The following DACH2 variants were observed in gnomAD, a reference collection of about 807,000 sequenced individuals.
The protein encoded by DACH2 is dachshund family transcription factor 2, also known as dachshund homolog 2.
A neutral mutation model predicts 35.8 loss-of-function variants in DACH2; 17 were observed. The observed-to-expected ratio is 0.48, with a 90% CI of 0.33 to 0.71. The LOEUF is 0.71. Among genes scored for constraint, DACH2 ranks in the 30% least tolerant of loss-of-function variants. DACH2 has a pLI of 0.02. For missense variants in DACH2, 469 were observed against 472.7 expected (o/e 0.99, Z 0.07); for synonymous variants, 195 against 177.3 (o/e 1.10, Z -0.79).
intron 1 of DACH2, among the ~76,000 whole-genome samples, chrX:86,182,059 A>G (rs1358509020): frequency 1.2e-4 from 13 of 111,319 alleles, no homozygotes; most frequent in African/African-American, 3.6e-4. Flanking sequence ...AAATTTGTTT[A>G]AGTTCCTTGT....
intron 1 of DACH2, among the ~76,000 whole-genome samples, chrX:86,297,185 G>GA (rs1034185052): frequency 9.2e-6 from 1 of 109,068 alleles, no homozygotes; most frequent in Non-Finnish European, 1.9e-5. Context: ...TGGGGTTAGA[G>GA]AAAAAATAGC....
chrX:86,408,335 G>A (rs1356112851), intron 2 of DACH2, among the ~76,000 whole-genome samples: 1 of 111,486 alleles, frequency 9.0e-6, no homozygotes, highest in African/African-American at 3.3e-5. Context: ...TCAGTGTTGT[G>A]GATACTGGAA....
chrX:86,172,150 G>A (rs1280031060), intron 1 of DACH2, among the ~76,000 whole-genome samples: 1 of 112,200 alleles, frequency 8.9e-6, no homozygotes, highest in East Asian at 2.8e-4. Context: ...AACTATATCT[G>A]AAAGTTTAAA....
intron 5 of DACH2, among the ~76,000 whole-genome samples, chrX:86,698,514 GTTTTGTGTTTTT>G (rs1264348456): frequency 1.2e-4 from 4 of 34,343 alleles, no homozygotes; most frequent in Admixed American, 5.7e-4. Context: ...TGTTTTGTTA[GTTTTGTGTTTTT>G]TTTTTTTTTT....
chrX:86,762,514 G>A (rs2041893670), intron 7 of DACH2, among the ~76,000 whole-genome samples: 1 of 111,507 alleles, frequency 9.0e-6, no homozygotes, highest in African/African-American at 3.3e-5. Flanking sequence ...CAGGCATCCA[G>A]CTCCTAGATA....
Position 86,243,818 on chromosome X carries a change from T to C in DACH2, c.488+94710T>C, listed in dbSNP as rs113080360. Among the ~76,000 whole-genome samples the C allele has an allele frequency of 9.3e-3, 1,038 of 111,901 alleles. 7 individuals carry two copies. The highest frequency in any genetic ancestry group is 0.032 in the African/African-American group (986 of 30,901). On this transcript the variant is annotated intron_variant, in intron 1 of 11. Coordinates refer to ENST00000373125, the MANE Select transcript of DACH2 (RefSeq NM_053281.3). Reference sequence around the variant, plus strand: ...ATTTATTATAGACTATTCAATCAGGTCACAAATTAATTCGGGGGTGTAATT... The same window carrying C: ...ATTTATTATAGACTATTCAATCAGGCCACAAATTAATTCGGGGGTGTAATT...
intron 1 of DACH2, among the ~76,000 whole-genome samples, chrX:86,219,709 T>C (rs1055921229): frequency 5.4e-5 from 6 of 111,305 alleles, no homozygotes; most frequent in Non-Finnish European, 1.1e-4. Context: ...TTAGTTTGCA[T>C]ATCTGCATAT....
chrX:86,224,933 C>T (rs1216442819), intron 1 of DACH2, among the ~76,000 whole-genome samples: 2 of 111,217 alleles, frequency 1.8e-5, no homozygotes, highest in Admixed American at 1.9e-4. Context: ...TAGCAGTAGT[C>T]TTGAGTGAGC....
intron 3 of DACH2, among the ~76,000 whole-genome samples, chrX:86,616,165 T>C (rs971772068): frequency 8.9e-6 from 1 of 111,945 alleles, no homozygotes; most frequent in Non-Finnish European, 1.9e-5. Flanking sequence ...TTTAATTCAA[T>C]CTGTCATTGA....
chrX:86,564,477 A>T (rs933151026), intron 3 of DACH2, among the ~76,000 whole-genome samples: 4 of 111,535 alleles, frequency 3.6e-5, no homozygotes, highest in Non-Finnish European at 5.7e-5. Context: ...GCAGAAAAAG[A>T]TTGCTACAGT....
intron 2 of DACH2, among the ~76,000 whole-genome samples, chrX:86,428,702 G>A (rs914653194): frequency 1.8e-5 from 2 of 108,950 alleles, no homozygotes; most frequent in African/African-American, 3.3e-5. Context: ...AAATTTTAAC[G>A]CCAGACAAGA....
chrX:86,556,929 T>C (rs1240160326), intron 3 of DACH2, among the ~76,000 whole-genome samples: 1 of 106,214 alleles, frequency 9.4e-6, no homozygotes, highest in African/African-American at 3.4e-5. Flanking sequence ...AAGCCAGTGA[T>C]GTAATTCAGT....
At chrX:86,497,789 T>C (rs2038193946) in intron 2 of DACH2, among the ~76,000 whole-genome samples, 1 of 109,631 alleles carries the variant, frequency 9.1e-6, no homozygotes, top group Non-Finnish European at 1.9e-5. Flanking sequence ...AGGCCAGGAG[T>C]TCAAGACCAG....
At chrX:86,631,519 G>A (rs12558371) in intron 3 of DACH2, among the ~76,000 whole-genome samples, 13,935 of 111,356 alleles carry the variant, frequency 0.13, 749 homozygotes, top group East Asian at 0.32. Flanking sequence ...GAAATAATAT[G>A]GCAGATCTAA....
intron 2 of DACH2, among the ~76,000 whole-genome samples, chrX:86,455,790 G>A (rs1385744701): frequency 8.9e-6 from 1 of 112,494 alleles, no homozygotes; most frequent in Non-Finnish European, 1.9e-5. Context: ...TGCTGTGGAA[G>A]TGGGGCCCAC....
chrX:86,788,720 G>C (rs904570116), intron 7 of DACH2, among the ~76,000 whole-genome samples: 3 of 111,594 alleles, frequency 2.7e-5, no homozygotes, highest in Non-Finnish European at 5.6e-5. Flanking sequence ...GAAAACAACT[G>C]CTCAGAAACT....
At chrX:86,266,676 A>G (rs2033719095) in intron 1 of DACH2, among the ~76,000 whole-genome samples, 1 of 111,366 alleles carries the variant, frequency 9.0e-6, no homozygotes, top group African/African-American at 3.3e-5. Flanking sequence ...ATTGACTATG[A>G]TTGTGACTTT....
At chrX:86,595,774 T>TTA (rs774396729) in intron 3 of DACH2, among the ~76,000 whole-genome samples, 5 of 108,594 alleles carry the variant, frequency 4.6e-5, no homozygotes, top group East Asian at 2.9e-4. Context: ...ATATATAGTT[T>TTA]TATATATATA....
intron 2 of DACH2, among the ~76,000 whole-genome samples, chrX:86,475,124 T>C (rs955498701): frequency 9.0e-6 from 1 of 111,607 alleles, no homozygotes; most frequent in African/African-American, 3.3e-5. Flanking sequence ...TTCCTCCAAT[T>C]TTGTTGTTTT....
Sources: allele counts gnomAD v4.1 joint callset (sites outside exome capture counted in the v4.1 genomes callset), GRCh38; gene constraint gnomAD v4.1.1; transcripts MANE v1.5; gene names NCBI Gene and HGNC (gene_info 2026-07-23, HGNC 2026-07-21).